C4orf50: variants seen among roughly 807,000 people sequenced by gnomAD.
The protein encoded by C4orf50 is uncharacterized protein C4orf50.
C4orf50 carries 80 observed loss-of-function variants against 77.2 expected under a neutral mutation model. That is an observed-to-expected ratio of 1.04 (90% CI 0.87 to 1.25). The LOEUF is 1.25. Ranked by LOEUF, C4orf50 falls within the 50% of genes most tolerant of loss-of-function variation. The probability of loss-of-function intolerance (pLI) is 0.00; values close to 1 mark genes in which losing one functional copy is unlikely to be tolerated. For missense variants in C4orf50, 1,257 were observed against 1,152.9 expected (o/e 1.09, Z -1.31); for synonymous variants, 532 against 465.3 (o/e 1.14, Z -1.84).
chr4:5,969,640 G>A (rs1560571786), intron 31 of C4orf50, among the ~76,000 whole-genome samples: 2 of 152,050 alleles, frequency 1.3e-5, no homozygotes, highest in South Asian at 4.1e-4. Flanking sequence ...GCCTGTGTGT[G>A]ACAGGTGCTG....
intron 7 of C4orf50, among the ~76,000 whole-genome samples, chr4:5,925,595 C>T (rs1717480617): frequency 6.6e-6 from 1 of 152,222 alleles, no homozygotes; most frequent in African/African-American, 2.4e-5. Flanking sequence ...GTCCTTTCAC[C>T]AAGCATAACA....
intron 7 of C4orf50, among the ~76,000 whole-genome samples, chr4:5,929,940 A>G (rs1056248102): frequency 6.6e-6 from 1 of 152,234 alleles, no homozygotes; most frequent in Non-Finnish European, 1.5e-5. Flanking sequence ...GCTCTACTAG[A>G]GATGCCAAGT....
chr4:5,989,013 G>A, exon 28 of C4orf50: 1 of 1,536,012 alleles, frequency 6.5e-7, no homozygotes, highest in Non-Finnish European at 8.7e-7. Flanking sequence ...AAATTTTGCA[G>A]TAACTCTTCC....
intron 30 of C4orf50, among the ~76,000 whole-genome samples, chr4:5,974,057 T>C (rs533840127): frequency 1.3e-5 from 2 of 152,294 alleles, no homozygotes; most frequent in South Asian, 4.1e-4. Flanking sequence ...GGCTCCGCAC[T>C]GCCCTTTCCA....
intron 26 of C4orf50, among the ~76,000 whole-genome samples, chr4:5,993,889 T>C (rs1210170512): frequency 6.6e-6 from 1 of 150,448 alleles, no homozygotes; most frequent in Non-Finnish European, 1.5e-5. Context: ...AGATATTGGT[T>C]CACATCAGGG....
At chr4:5,953,087 G>A (rs1368746847), downstream of C4orf50, among the ~76,000 whole-genome samples, 1 of 152,146 alleles carries the variant, frequency 6.6e-6, no homozygotes, top group African/African-American at 2.4e-5. Context: ...GCAGGAGGCT[G>A]GATGCTGTCA....
intron 29 of C4orf50, among the ~76,000 whole-genome samples, chr4:5,976,404 C>T (rs1331424456): frequency 3.4e-5 from 5 of 146,330 alleles, no homozygotes; most frequent in Admixed American, 7.0e-5. Context: ...TGCAGTGAGC[C>T]GAGATTGCGC....
intron 7 of C4orf50, among the ~76,000 whole-genome samples, chr4:5,946,149 C>A (rs749256425): frequency 1.3e-5 from 2 of 152,212 alleles, no homozygotes; most frequent in South Asian, 4.1e-4. Flanking sequence ...CTGCTTCCCA[C>A]GCTTGCCACC....
Position 5,980,717 on chromosome 4 carries a change from C to G in C4orf50, c.3700-379G>C, listed in dbSNP as rs1289832234. Among the ~76,000 whole-genome samples the G allele has an allele frequency of 2.0e-5, 3 of 152,238 alleles. No individual in the cohort carries two copies. In the East Asian group the frequency reaches 5.8e-4, roughly 29 times the overall value. On this transcript the variant is annotated intron_variant, in intron 28 of 33. Transcript: ENST00000531445. ...GTGCAGTGGGGTGGCATTCCAGAATCTGCTGTAATAGATGCCAGTCACTGT... is the reference window on the plus strand; with the variant it reads ...GTGCAGTGGGGTGGCATTCCAGAATGTGCTGTAATAGATGCCAGTCACTGT...
chr4:5,982,094 T>C (rs1479226325), intron 28 of C4orf50, among the ~76,000 whole-genome samples: 4 of 152,096 alleles, frequency 2.6e-5, no homozygotes, highest in Admixed American at 2.6e-4. Flanking sequence ...GGGCCTGAGA[T>C]GCACGGGCTG....
At position 6,007,856 on chromosome 4, in the gene C4orf50, G is replaced by A. The variant is rs1577997169; in HGVS notation, c.963+140C>T. 1 of 397,692 alleles carries A rather than the reference G, an allele frequency of 2.5e-6. No homozygotes were observed. The highest frequency in any genetic ancestry group is 4.4e-6 in the Non-Finnish European group (1 of 225,976). The allele number at this position is 397,692 out of a possible 1,614,324, so 24.6% of individuals were successfully genotyped here. A position where few individuals can be genotyped will look rare whatever the true frequency, so the allele number is the denominator to read the frequency against. ...GGGGAGGTGAGTAGATGCAGTGAAGGACGATGGACAGGGCTGGCAGGGTTA... is the reference window on the plus strand; with the variant it reads ...GGGGAGGTGAGTAGATGCAGTGAAGAACGATGGACAGGGCTGGCAGGGTTA... On this transcript the variant is annotated intron_variant, in intron 25 of 33. Coordinates refer to ENST00000531445, the Ensembl canonical transcript of C4orf50. This position sits in a 1 kb window ranked among gnomAD's most constrained non-coding sequence, Gnocchi z 4.1.
In C4orf50 at chr4:5,932,248, T is replaced by C. The variant is rs16837844; in HGVS notation, c.*2474+24653A>G. Among the ~76,000 whole-genome samples, 781 of 151,512 alleles carry C rather than the reference T, an allele frequency of 5.2e-3. 4 individuals are homozygous for C. Among genetic ancestry groups the C allele is most frequent in the African/African-American group, 0.017 (695 of 41,250 alleles). On this transcript the variant is annotated intron_variant, in intron 7 of 7. Coordinates refer to the C4orf50 transcript ENST00000324058. The surrounding 1 kb of genome is among the most constrained non-coding windows in gnomAD (Gnocchi z 4.2). ...ACAGAGCAGAAGCGTGTCGCATTTC[T>C]ACTCTGGCACACTCTTTCCTTGGCC... is the stretch of plus-strand genomic sequence containing the variant.
At chr4:5,931,758 G>C (rs1316706780) in intron 7 of C4orf50, among the ~76,000 whole-genome samples, 1 of 152,080 alleles carries the variant, frequency 6.6e-6, no homozygotes, top group Non-Finnish European at 1.5e-5. Flanking sequence ...CCTAAGGTTT[G>C]CACACCCCTC....
In C4orf50 at chr4:6,017,242, G is replaced by A. The variant is rs1405565732; in HGVS notation, c.287+903C>T. 6.6e-6 allele frequency among the ~76,000 whole-genome samples: 1 copy of A among 152,210 alleles called. No individual in the cohort carries two copies. The highest frequency in any genetic ancestry group is 2.4e-5 in the African/African-American group (1 of 41,446). ...AGACAGGCAGCCTGGATTAGCAACT[G>A]CCGGAAGCCACTTCTGCCCCTGGGG... On this transcript the variant is annotated intron_variant, in intron 23 of 33. Transcript: ENST00000531445. The surrounding 1 kb of genome is among the most constrained non-coding windows in gnomAD (Gnocchi z 4.7).
At chr4:5,948,793 CAAA>C (rs530516177) in intron 7 of C4orf50, among the ~76,000 whole-genome samples, 7 of 103,854 alleles carry the variant, frequency 6.7e-5, no homozygotes, top group Admixed American at 1.0e-4. Flanking sequence ...ACACCATCTC[CAAA>C]AAAAAAAAAA....
chr4:5,934,776 C>T (rs1717935376), intron 7 of C4orf50, among the ~76,000 whole-genome samples: 1 of 152,188 alleles, frequency 6.6e-6, no homozygotes, highest in Non-Finnish European at 1.5e-5. Context: ...TGGCATTTAT[C>T]ATAAAAATGC....
rs763836859 is a variant in C4orf50, at chr4:5,975,139, C to CAAAAAAAAAA, written c.3921+750_3921+759dup. Among the ~76,000 whole-genome samples the CAAAAAAAAAA allele has an allele frequency of 2.7e-4, 22 of 82,840 alleles. 3 individuals are homozygous for CAAAAAAAAAA. Among genetic ancestry groups the CAAAAAAAAAA allele is most frequent in the African/African-American group, 3.7e-4 (9 of 24,490 alleles). 54.3% of individuals were successfully genotyped at this position (82,840 alleles called of 152,430 possible). On this transcript the variant is annotated intron_variant, in intron 30 of 33. Transcript: ENST00000531445. Reference sequence around the variant, plus strand: ...TGGGCGACAGAGTGACACTCCATCTCAAAAAAAAAAAAAAAAAAAAAAAAA... The same window carrying CAAAAAAAAAA: ...TGGGCGACAGAGTGACACTCCATCTCAAAAAAAAAAAAAAAAAAAAAAAAAAAAAAAAAAA...
intron 7 of C4orf50, among the ~76,000 whole-genome samples, chr4:5,925,766 C>T (rs562443072): frequency 7.2e-5 from 11 of 152,344 alleles, no homozygotes; most frequent in East Asian, 3.9e-4. Flanking sequence ...GGTTTGGGAG[C>T]GAGGACCAGG....
chr4:5,980,751 A>G (rs1462299534), intron 28 of C4orf50, among the ~76,000 whole-genome samples: 1 of 152,244 alleles, frequency 6.6e-6, no homozygotes, highest in Non-Finnish European at 1.5e-5. Context: ...GTTATACTGA[A>G]ACAGTGTGAT....
Sources: gnomAD v4.1 joint callset for allele counts (sites outside exome capture counted in the v4.1 genomes callset) on GRCh38, gnomAD v4.1.1 for gene constraint, Gnocchi (gnomAD v3.1) non-coding constraint, MANE v1.5 for transcripts, NCBI Gene and HGNC (gene_info 2026-07-23, HGNC 2026-07-21) for gene names.